The following FOXP2 variants were observed in gnomAD, a reference collection of about 807,000 sequenced individuals.
FOXP2 encodes forkhead box P2.
In FOXP2, 12 loss-of-function variants were observed where a neutral mutation model predicts 115.8. The observed-to-expected ratio is 0.10, with a 90% CI of 0.07 to 0.17. The LOEUF (loss-of-function observed/expected upper bound fraction) is 0.17, where lower values mean the gene tolerates loss of function less well. Among genes scored for constraint, FOXP2 ranks in the 10% least tolerant of loss-of-function variants. The probability of loss-of-function intolerance (pLI) is 1.00; values close to 1 mark genes in which losing one functional copy is unlikely to be tolerated. For synonymous variants in FOXP2, 328 were observed against 297.7 expected, an observed-to-expected ratio of 1.10 and a Z score of -1.05; for missense variants, 629 against 843.5, an observed-to-expected ratio of 0.75 and a Z score of 3.15.
chr7:114,655,751 G>A (rs984829458), intron 10 of FOXP2, among the ~76,000 whole-genome samples: 3 of 152,112 alleles, frequency 2.0e-5, no homozygotes, highest in Non-Finnish European at 2.9e-5. Flanking sequence ...GGAGAAATGA[G>A]CTCTGTTGGT....
intron 2 of FOXP2, among the ~76,000 whole-genome samples, chr7:114,353,763 G>T (rs1791551131): frequency 6.6e-6 from 1 of 151,932 alleles, no homozygotes; most frequent in Admixed American, 6.6e-5. Flanking sequence ...AGGCCACTTT[G>T]TATGTTCAAT....
At chr7:114,328,801 T>C (rs1306644765) in intron 2 of FOXP2, among the ~76,000 whole-genome samples, 1 of 152,208 alleles carries the variant, frequency 6.6e-6, no homozygotes, top group African/African-American at 2.4e-5. Flanking sequence ...GTCCATATTT[T>C]TGATGGGGTA....
intron 2 of FOXP2, among the ~76,000 whole-genome samples, chr7:114,386,044 A>G (rs1288916814): frequency 1.3e-5 from 2 of 152,234 alleles, no homozygotes; most frequent in Non-Finnish European, 2.9e-5. Flanking sequence ...CGTTGCAGGA[A>G]CAATGGCAAG....
intron 2 of FOXP2, among the ~76,000 whole-genome samples, chr7:114,365,253 A>T (rs1791849742): frequency 6.6e-6 from 1 of 152,152 alleles, no homozygotes; most frequent in South Asian, 2.1e-4. Flanking sequence ...ATAATTGTAT[A>T]CATTCTATTT....
At chr7:114,202,501 G>A in intron 1 of FOXP2, among the ~76,000 whole-genome samples, 1 of 152,156 alleles carries the variant, frequency 6.6e-6, no homozygotes, top group Non-Finnish European at 1.5e-5. Context: ...ACCTGGCATT[G>A]GCAGGAATTG....
intron 3 of FOXP2, among the ~76,000 whole-genome samples, chr7:114,563,472 T>A (rs1800851434): frequency 1.3e-5 from 2 of 152,170 alleles, no homozygotes; most frequent in Admixed American, 1.3e-4. Context: ...TTACTTGGGA[T>A]GTTTATTTGT....
intron 1 of FOXP2, among the ~76,000 whole-genome samples, chr7:114,198,918 GCAGAATTTCCT>G (rs1278583210): frequency 6.6e-6 from 1 of 152,220 alleles, no homozygotes; most frequent in Non-Finnish European, 1.5e-5. Context: ...CAGTCTGGAG[GCAGAATTTCCT>G]CTTTTTCGGG....
intron 2 of FOXP2, among the ~76,000 whole-genome samples, chr7:114,466,010 A>G (rs1438109322): frequency 6.6e-6 from 1 of 152,166 alleles, no homozygotes; most frequent in East Asian, 1.9e-4. Flanking sequence ...CTCCCTCATT[A>G]TACCCAAATC....
intron 10 of FOXP2, among the ~76,000 whole-genome samples, chr7:114,655,456 A>G (rs1260436431): frequency 1.3e-5 from 2 of 152,188 alleles, no homozygotes; most frequent in African/African-American, 4.8e-5. Context: ...ATGGTGGGCA[A>G]TTAATACAGA....
At chr7:114,305,049 A>G (rs1796980850) in intron 2 of FOXP2, among the ~76,000 whole-genome samples, 2 of 152,214 alleles carry the variant, frequency 1.3e-5, no homozygotes, top group African/African-American at 2.4e-5. Context: ...TATGATTAAT[A>G]TAAGAATGAA....
chr7:114,420,105 C>A (rs898610549), intron 1 of FOXP2, among the ~76,000 whole-genome samples: 2 of 151,642 alleles, frequency 1.3e-5, no homozygotes, highest in Non-Finnish European at 2.9e-5. Flanking sequence ...TTGCTGTGGG[C>A]GGGAGACTGA....
intron 1 of FOXP2, among the ~76,000 whole-genome samples, chr7:114,235,758 G>A (rs1347754417): frequency 6.6e-6 from 1 of 152,112 alleles, no homozygotes; most frequent in East Asian, 1.9e-4. Flanking sequence ...ACATCATTTT[G>A]GCTGGTGGGA....
intron 1 of FOXP2, among the ~76,000 whole-genome samples, chr7:114,230,760 A>G (rs947093892): frequency 6.6e-6 from 1 of 152,006 alleles, no homozygotes; most frequent in Non-Finnish European, 1.5e-5. Flanking sequence ...CCTATGGCTA[A>G]TATCATACTC....
intron 7 of FOXP2, among the ~76,000 whole-genome samples, chr7:114,643,857 A>G (rs1281205377): frequency 1.3e-5 from 2 of 152,222 alleles, no homozygotes; most frequent in Non-Finnish European, 2.9e-5. Flanking sequence ...GTTATGCAAT[A>G]TGAATATCTG....
chr7:114,549,758 A>T (rs1800107894), intron 3 of FOXP2, among the ~76,000 whole-genome samples: 1 of 151,876 alleles, frequency 6.6e-6, no homozygotes, highest in Admixed American at 6.6e-5. Context: ...GGTTTGTGGA[A>T]TTTGTGCCAT....
chr7:114,236,194 G>T (rs1159230701), intron 1 of FOXP2, among the ~76,000 whole-genome samples: 5 of 152,146 alleles, frequency 3.3e-5, no homozygotes, highest in Admixed American at 3.3e-4. Context: ...CAATGGATTG[G>T]CAATTGATAT....
chr7:114,282,557 C>T (rs928799283), intron 1 of FOXP2, among the ~76,000 whole-genome samples: 1 of 152,076 alleles, frequency 6.6e-6, no homozygotes, highest in African/African-American at 2.4e-5. Flanking sequence ...AATTCCCATG[C>T]CTGTCTAGTT....
chr7:114,301,542 C>T (rs979615550), intron 2 of FOXP2, among the ~76,000 whole-genome samples: 2 of 151,924 alleles, frequency 1.3e-5, no homozygotes, highest in African/African-American at 4.8e-5. Context: ...GTTTTGGTAC[C>T]GGGAGATCTA....
chr7:114,113,617 C>T (rs1041882170), intron 1 of FOXP2, among the ~76,000 whole-genome samples: 7 of 152,166 alleles, frequency 4.6e-5, no homozygotes, highest in Admixed American at 4.6e-4. Flanking sequence ...GATCCTCCTG[C>T]CTCAGCCTCC....
Sources: allele counts gnomAD v4.1 joint callset (sites outside exome capture counted in the v4.1 genomes callset), GRCh38; gene constraint gnomAD v4.1.1; transcripts MANE v1.5; gene names NCBI Gene and HGNC (gene_info 2026-07-23, HGNC 2026-07-21).